SVEP1: variants seen among roughly 807,000 people sequenced by gnomAD.
The protein encoded by SVEP1 is sushi, von Willebrand factor type A, EGF and pentraxin domain containing 1, also known as sushi, von Willebrand factor type A, EGF and pentraxin domain-containing protein 1.
SVEP1 carries 164 observed loss-of-function variants against 367.3 expected under a neutral mutation model. The observed-to-expected ratio is 0.45, with a 90% CI of 0.39 to 0.51. The LOEUF (loss-of-function observed/expected upper bound fraction) is 0.51, where lower values mean the gene tolerates loss of function less well. Ranked by LOEUF, SVEP1 falls within the 20% of genes least tolerant of loss-of-function variation. SVEP1 has a pLI of 0.00. For missense variants in SVEP1, 4,117 were observed against 4,425.3 expected, an observed-to-expected ratio of 0.93 and a Z score of 1.98; for synonymous variants, 1,666 against 1,611.6, an observed-to-expected ratio of 1.03 and a Z score of -0.81.
In SVEP1 at chr9:110,443,711, A is replaced by C. The variant is rs2118590505; in HGVS notation, c.4473T>G (p.Leu1491=). ...LLLTDYNGWV[L]YVNGREKITN... ...TTATCTTTTCCCTGCCATTCACATA[A>C]AGAACCCAGCTGTAGAGAGAAAGAT... The change falls in exon 27 of 48, where the codon CTT becomes CTG. Residue 1491 remains leucine, a synonymous_variant. Transcript: ENST00000374469. 1 of 1,604,132 alleles carries C rather than the reference A, an allele frequency of 6.2e-7. No homozygotes were observed. Among genetic ancestry groups the C allele is most frequent in the Non-Finnish European group, 8.5e-7 (1 of 1,174,842 alleles).
At chr9:110,494,501 T>C (rs1829416766) in intron 8 of SVEP1, among the ~76,000 whole-genome samples, 1 of 152,230 alleles carries the variant, frequency 6.6e-6, no homozygotes, top group South Asian at 2.1e-4. Flanking sequence ...TTATTTTCTA[T>C]TGGTGCCTTT....
At chr9:110,477,186 TCTC>T (rs1829108750) in intron 13 of SVEP1, among the ~76,000 whole-genome samples, 4 of 152,280 alleles carry the variant, frequency 2.6e-5, no homozygotes, top group South Asian at 4.1e-4. Context: ...AACTGCACCT[TCTC>T]CTCTTCTCAG....
intron 1 of SVEP1, among the ~76,000 whole-genome samples, chr9:110,561,987 T>G (rs1203311268): frequency 6.6e-6 from 1 of 152,166 alleles, no homozygotes; most frequent in East Asian, 1.9e-4. Flanking sequence ...GTCTCAAATT[T>G]ATGGTTACGA....
chr9:110,453,270 A>G (rs1307975858), intron 22 of SVEP1, among the ~76,000 whole-genome samples: 1 of 152,108 alleles, frequency 6.6e-6, no homozygotes, highest in Admixed American at 6.5e-5. Context: ...ACTCTCCATA[A>G]TAATATTATG....
At chr9:110,481,469 GTGGTA>G (rs1479122368) in intron 11 of SVEP1, 33 bp from the exon 12 acceptor site, 7 of 1,402,836 alleles carry the variant, frequency 5.0e-6, no homozygotes, top group Non-Finnish European at 6.6e-6. Flanking sequence ...TTCATATATA[GTGGTA>G]CAAGAAGCAT....
chr9:110,535,140 T>C (rs1830063677), intron 3 of SVEP1, among the ~76,000 whole-genome samples: 1 of 152,192 alleles, frequency 6.6e-6, no homozygotes, highest in Non-Finnish European at 1.5e-5. Context: ...CCAGGGTTTT[T>C]ATAGTTTTGG....
At chr9:110,399,450 GCA>G (rs1827822581) in intron 40 of SVEP1, among the ~76,000 whole-genome samples, 2 of 151,834 alleles carry the variant, frequency 1.3e-5, no homozygotes, top group African/African-American at 4.8e-5. Context: ...TAACAAACCT[GCA>G]CATTGTGCAC....
intron 42 of SVEP1, 96 bp downstream of exon 42, chr9:110,387,189 T>G: frequency 7.7e-7 from 1 of 1,297,988 alleles, no homozygotes; most frequent in East Asian, 2.5e-5. Flanking sequence ...TGGGCCCATA[T>G]CCCTTATGAG....
At chr9:110,436,359 T>C (rs565484507) in intron 28 of SVEP1, 21 bp downstream of exon 28, 1 of 1,613,784 alleles carries the variant, frequency 6.2e-7, no homozygotes, top group East Asian at 2.2e-5. Flanking sequence ...ATTACTGTCA[T>C]ACACTGAAAA....
intron 36 of SVEP1, among the ~76,000 whole-genome samples, chr9:110,425,426 C>G (rs1564138831): frequency 6.6e-6 from 1 of 152,174 alleles, no homozygotes; most frequent in Non-Finnish European, 1.5e-5. Context: ...CTGATTCAAT[C>G]TTTTCAATGA....
Position 110,388,758 on chromosome 9 carries a change from C to T in SVEP1, c.9886+766G>A, listed in dbSNP as rs566296361. Among the ~76,000 whole-genome samples the T allele has an allele frequency of 1.4e-4, 21 of 152,170 alleles. No homozygotes were observed. In the South Asian group the frequency reaches 3.1e-3, roughly 23 times the overall value. ...CTGAGGAGCATGGATTGCTTGAAGCCGGGAGTTCGAGACCAGCCAGGCCAA... is the reference window on the plus strand; with the variant it reads ...CTGAGGAGCATGGATTGCTTGAAGCTGGGAGTTCGAGACCAGCCAGGCCAA... On this transcript the variant is annotated intron_variant, in intron 41 of 47. Coordinates refer to ENST00000374469, the MANE Select transcript of SVEP1 (RefSeq NM_153366.4).
At chr9:110,573,070 T>A (rs1346814366) in intron 1 of SVEP1, among the ~76,000 whole-genome samples, 1 of 151,978 alleles carries the variant, frequency 6.6e-6, no homozygotes, top group Non-Finnish European at 1.5e-5. Context: ...CTTTTCAGCA[T>A]AAAGAACTTA....
intron 3 of SVEP1, among the ~76,000 whole-genome samples, chr9:110,539,586 G>T (rs1328318233): frequency 1.3e-5 from 2 of 150,534 alleles, no homozygotes; most frequent in Non-Finnish European, 3.0e-5. Context: ...TATTATAAGG[G>T]ACAAACTAAT....
chr9:110,400,359 G>C (rs550350112), intron 40 of SVEP1, among the ~76,000 whole-genome samples: 2 of 148,760 alleles, frequency 1.3e-5, no homozygotes, highest in African/African-American at 2.5e-5. Context: ...TTTTATTTGA[G>C]ACTTATTTTG....
At chr9:110,565,438 TC>T (rs1830480167) in intron 1 of SVEP1, among the ~76,000 whole-genome samples, 1 of 152,098 alleles carries the variant, frequency 6.6e-6, no homozygotes, top group South Asian at 2.1e-4. Flanking sequence ...ACCTAAGACT[TC>T]AGAAAGCTAG....
rs1829015705 is a variant in SVEP1 at position 110,471,427 on chromosome 9, A to G, written c.2935T>C (p.Leu979=). Residue 979 remains leucine, a synonymous_variant, in exon 16 of 48, where the codon TTA becomes CTA. Transcript: ENST00000374469. ...SEILIADSNS[L]ETKKASPFCR... is the part of the protein sequence containing the mutation. ...AAGGGGGAAGCCTTTTTTGTTTCTA[A>G]TGAATTGCTGTCGGCTATAAGTATT... 6.2e-7 allele frequency: 1 copy of G among 1,613,950 alleles called. No individual in the cohort carries two copies. Among genetic ancestry groups the G allele is most frequent in the African/African-American group, 1.3e-5 (1 of 75,034 alleles).
intron 13 of SVEP1, among the ~76,000 whole-genome samples, chr9:110,477,903 T>A (rs1466368464): frequency 6.6e-6 from 1 of 152,162 alleles, no homozygotes; most frequent in Non-Finnish European, 1.5e-5. Context: ...AGTAAGTTGT[T>A]CCCTCAAATG....
chr9:110,449,547 G>A lies in SVEP1; in HGVS notation c.4103+512C>T, dbSNP rs566989898. ...AAAATACAAAAGTTAGCCAGGCGTG[G>A]TGGCAGGCACCTGTAATCCCAGCTA... On this transcript the variant is annotated intron_variant, in intron 24 of 47. Transcript: ENST00000374469. Among the ~76,000 whole-genome samples, 27 of 152,298 alleles carry A rather than the reference G, an allele frequency of 1.8e-4. No individual in the cohort carries two copies. The East Asian group carries it at 5.2e-3, about 29-fold the overall frequency.
intron 45 of SVEP1, chr9:110,377,012 C>A: frequency 3.0e-6 from 1 of 337,998 alleles, no homozygotes; most frequent in Non-Finnish European, 5.5e-6. Flanking sequence ...AGCTCCTTCT[C>A]AAGAAGACTT....
Sources: gnomAD v4.1 joint callset for allele counts (sites outside exome capture counted in the v4.1 genomes callset) on GRCh38, gnomAD v4.1.1 for gene constraint, MANE v1.5 for transcripts, NCBI Gene and HGNC (gene_info 2026-07-23, HGNC 2026-07-21) for gene names.